Variants in NOP14 observed in about 807,000 individuals in gnomAD.
The protein encoded by NOP14 is NOP14 nucleolar protein.
In NOP14, 57 loss-of-function variants were observed where a neutral mutation model predicts 101.6. The observed-to-expected ratio is 0.56, with a 90% CI of 0.45 to 0.70. NOP14 has a LOEUF of 0.70. NOP14 is among the 30% of genes least tolerant of loss of function. NOP14 has a pLI of 0.00. For missense variants in NOP14, 1,134 were observed against 1,075.5 expected, an observed-to-expected ratio of 1.05 and a Z score of -0.76; for synonymous variants, 428 against 424.0, an observed-to-expected ratio of 1.01 and a Z score of -0.12.
chr4:2,942,938 G>A (rs1361197353), intron 13 of NOP14, among the ~76,000 whole-genome samples: 1 of 152,196 alleles, frequency 6.6e-6, no homozygotes, highest in African/African-American at 2.4e-5. Flanking sequence ...GTGGGGCAGA[G>A]GTGCCGGGCC....
At chr4:2,960,330 T>C (rs1043032844) in intron 1 of NOP14, among the ~76,000 whole-genome samples, 1 of 152,004 alleles carries the variant, frequency 6.6e-6, no homozygotes, top group African/African-American at 2.4e-5. Flanking sequence ...CACTGGCTTC[T>C]AGCAGGAAGG....
intron 9 of NOP14, 124 bp downstream of exon 9, chr4:2,948,154 T>TA: frequency 8.2e-7 from 1 of 1,216,384 alleles, no homozygotes; most frequent in Non-Finnish European, 1.1e-6. Context: ...GGTAACCATG[T>TA]GACGGGCTGG....
Position 2,937,985 on chromosome 4 carries a change from A to G in NOP14, c.*846T>C, listed in dbSNP as rs1713783998. ...TTTGCATAACAACAGTAAATTCTACACATGAAGGCAAACGTCCGTGGTTGA... is the reference window on the plus strand; with the variant it reads ...TTTGCATAACAACAGTAAATTCTACGCATGAAGGCAAACGTCCGTGGTTGA... On this transcript the variant is annotated 3_prime_UTR_variant, in exon 18 of 18. Transcript: ENST00000416614. 2 of 218,048 alleles carry G rather than the reference A, an allele frequency of 9.2e-6. No homozygotes were observed. The highest frequency in any genetic ancestry group is 5.6e-5 in the Admixed American group (1 of 17,950). 13.5% of individuals were successfully genotyped at this position (218,048 alleles called of 1,614,324 possible). A position where few individuals can be genotyped will look rare whatever the true frequency, so the allele number is the denominator to read the frequency against.
At chr4:2,958,276 C>G (rs544202396) in intron 1 of NOP14, among the ~76,000 whole-genome samples, 1 of 152,236 alleles carries the variant, frequency 6.6e-6, no homozygotes, top group East Asian at 1.9e-4. Context: ...TAGCAAGTAT[C>G]AAATAATTTG....
rs112995318 is a variant in NOP14, at chr4:2,954,193, C to T, written c.612+231G>A. Among the ~76,000 whole-genome samples the T allele has an allele frequency of 9.5e-3, 1,451 of 152,212 alleles. 28 individuals carry two copies. The highest frequency in any genetic ancestry group is 0.032 in the African/African-American group (1,313 of 41,504). ...ACTCCAGCCCGGGAAACAGAGACTA[C>T]GTCTCAAAATAAAACAAAACATAAA... On this transcript the variant is annotated intron_variant, in intron 4 of 17. Transcript: ENST00000416614.
Position 2,952,347 on chromosome 4 carries a change from C to G in NOP14, c.798G>C (p.Ala266=), listed in dbSNP as rs149472162. ...CCGTCTTCATCCTGTTAGAGGGCTG[C>G]GCCTTCATTTCAAAGCCAAGCTCGC... ...MVRELGFEMK[A]QPSNRMKTEA... Residue 266 remains alanine (A), a synonymous_variant, in exon 6 of 18, where the codon GCG becomes GCC. Transcript: ENST00000416614. 1.9e-6 allele frequency: 3 copies of G among 1,613,242 alleles called. No homozygotes were observed. The highest frequency in any genetic ancestry group is 2.5e-6 in the Non-Finnish European group (3 of 1,179,524).
chr4:2,956,937 A>G, intron 2 of NOP14, 126 bp from the exon 3 acceptor site: 2 of 837,930 alleles, frequency 2.4e-6, no homozygotes, highest in East Asian at 2.7e-5. Context: ...AAGCAGCCTT[A>G]AAGAGTATTT....
chr4:2,942,234 C>T lies in NOP14; in HGVS notation c.2009G>A (p.Ser670Asn). The change falls in exon 14 of 18, where the codon AGT becomes AAT. Residue 670 changes from serine to asparagine, a missense_variant. Coordinates refer to ENST00000416614, the MANE Select transcript of NOP14 (RefSeq NM_001291978.2). The stretch of plus-strand genomic sequence containing the variant: ...TGTCGAAGTTGGGGCCCTCAGTCTA[C>T]TCGCCCAGCGGAGGGAGAGGCTGCT... ...QQSSLSLRWA[S>N]RLRAPTSTEA... is the part of the protein sequence containing the mutation. 6.2e-7 allele frequency: 1 copy of T among 1,614,196 alleles called. No individual in the cohort carries two copies. The highest frequency in any genetic ancestry group is 8.5e-7 in the Non-Finnish European group (1 of 1,180,030).
intron 2 of NOP14, 126 bp from the exon 3 acceptor site, chr4:2,956,937 A>T: frequency 1.2e-6 from 1 of 837,930 alleles, no homozygotes; most frequent in Non-Finnish European, 1.8e-6. Flanking sequence ...AAGCAGCCTT[A>T]AAGAGTATTT....
In NOP14 at chr4:2,944,072, C is replaced by T. The variant is rs772511955; in HGVS notation, c.1891+1G>A. 12 of 1,604,534 alleles carry T rather than the reference C, an allele frequency of 7.5e-6. No homozygotes were observed. In the South Asian group the frequency reaches 1.2e-4, roughly 17 times the overall value. ...TAGGAACCTCCCTCAAATCAACTCA[C>T]CTTGGCTTGCTTTGTTTGGAGTTGC... On this transcript the variant is annotated splice_donor_variant, in intron 13 of 17. Coordinates refer to ENST00000416614, the MANE Select transcript of NOP14 (RefSeq NM_001291978.2). LOFTEE classifies it high-confidence loss of function.
chr4:2,954,471 G>T lies in NOP14; in HGVS notation c.565C>A (p.Arg189=). 1.9e-6 allele frequency: 3 copies of T among 1,614,052 alleles called. No homozygotes were observed. The highest frequency in any genetic ancestry group is 2.5e-6 in the Non-Finnish European group (3 of 1,179,994). The change falls in exon 4 of 18, where the codon CGG becomes AGG. Residue 189 remains arginine (R), a synonymous_variant. Coordinates refer to ENST00000416614, the MANE Select transcript of NOP14 (RefSeq NM_001291978.2). ...ATGAGCTCTTCAATCAGCTCTTTCCGGGACTTCGGTTTCTCCCGCTCCTCG... is the reference window on the plus strand; with the variant it reads ...ATGAGCTCTTCAATCAGCTCTTTCCTGGACTTCGGTTTCTCCCGCTCCTCG... The part of the protein sequence containing the change: ...EGEEREKPKS[R]KELIEELIAK...
rs1713849206 is a variant in NOP14, at chr4:2,938,508, A to C, written c.*323T>G. On this transcript the variant is annotated 3_prime_UTR_variant, in exon 18 of 18. Coordinates refer to ENST00000416614, the MANE Select transcript of NOP14 (RefSeq NM_001291978.2). ...AACAAGAGCAAAACTCCGTCTCAAA[A>C]AAAAAAATTTTTTTTTAAGCGACAC... is the stretch of plus-strand genomic sequence containing the variant. The C allele has an allele frequency of 5.6e-6, 2 of 356,076 alleles. 1 individual carries two copies. Among genetic ancestry groups the C allele is most frequent in the Non-Finnish European group, 1.1e-5 (2 of 186,814 alleles). The allele number at this position is 356,076 out of a possible 1,614,324, so 22.1% of individuals were successfully genotyped here.
chr4:2,951,173 C>A lies in NOP14; in HGVS notation c.943G>T (p.Asp315Tyr). 2.5e-6 allele frequency: 4 copies of A among 1,613,936 alleles called. No individual in the cohort carries two copies. Among genetic ancestry groups the A allele is most frequent in the Non-Finnish European group, 3.4e-6 (4 of 1,179,774 alleles). Reference protein sequence around the residue: ...NVKKPKHMSADDLNDGFVLDK... With the variant: ...NVKKPKHMSAYDLNDGFVLDK... ...AGCACGAAGCCATCATTCAGATCAT[C>A]TGCTGACATATGTTTTGGTTTCTTA... The change falls in exon 7 of 18, where the codon GAT (aspartate) becomes TAT (tyrosine). Residue 315 changes from aspartate to tyrosine, a missense_variant. By Grantham distance (160) the Asp-to-Tyr change is radical. Transcript: ENST00000416614.
chr4:2,951,652 A>C (rs1218349032), intron 6 of NOP14, among the ~76,000 whole-genome samples: 1 of 152,038 alleles, frequency 6.6e-6, no homozygotes, highest in African/African-American at 2.4e-5. Flanking sequence ...GAAGCTAGTG[A>C]TGTGGTTATG....
intron 13 of NOP14, 83 bp from the exon 14 acceptor site, chr4:2,942,434 G>A (rs1031668343): frequency 3.6e-6 from 5 of 1,396,072 alleles, no homozygotes; most frequent in African/African-American, 1.4e-5. Context: ...GCCTGTGGAA[G>A]TTCACCCTCT....
chr4:2,945,681 C>G (rs1001094861), intron 11 of NOP14, among the ~76,000 whole-genome samples: 1 of 152,252 alleles, frequency 6.6e-6, no homozygotes, highest in African/African-American at 2.4e-5. Context: ...TCTCAGCGTA[C>G]AAATGTCTCC....
At chr4:2,942,808 G>A (rs1268415562) in intron 13 of NOP14, among the ~76,000 whole-genome samples, 2 of 151,632 alleles carry the variant, frequency 1.3e-5, no homozygotes, top group East Asian at 1.9e-4. Context: ...GGGCGGGAGA[G>A]GCCTGAGGGG....
At chr4:2,948,643 C>T (rs1309307273) in intron 8 of NOP14, among the ~76,000 whole-genome samples, 1 of 152,096 alleles carries the variant, frequency 6.6e-6, no homozygotes, top group Non-Finnish European at 1.5e-5. Context: ...TCAGTAGAGA[C>T]AGGGCTTCAC....
At chr4:2,945,669 A>C (rs1413567148) in intron 11 of NOP14, among the ~76,000 whole-genome samples, 1 of 152,272 alleles carries the variant, frequency 6.6e-6, no homozygotes, top group Non-Finnish European at 1.5e-5. Context: ...AATTGTTAAA[A>C]ATCTCAGCGT....
Sources: allele counts gnomAD v4.1 joint callset (sites outside exome capture counted in the v4.1 genomes callset), GRCh38; gene constraint gnomAD v4.1.1; transcripts MANE v1.5; gene names NCBI Gene and HGNC (gene_info 2026-07-23, HGNC 2026-07-21).